GRIP2: variants seen among roughly 807,000 people sequenced by gnomAD.
GRIP2 encodes glutamate receptor-interacting protein 2.
GRIP2 carries 58 observed loss-of-function variants against 108.3 expected under a neutral mutation model. That is an observed-to-expected ratio of 0.54 (90% CI 0.43 to 0.67). The LOEUF (loss-of-function observed/expected upper bound fraction) is 0.67. Ranked by LOEUF, GRIP2 falls within the 30% of genes least tolerant of loss-of-function variation. GRIP2 has a pLI of 0.00. For missense variants in GRIP2, 1,278 were observed against 1,430.6 expected, an observed-to-expected ratio of 0.89 and a Z score of 1.72; for synonymous variants, 586 against 598.2, an observed-to-expected ratio of 0.98 and a Z score of 0.30.
At chr3:14,578,031 A>G in the GRIP2 span, among the ~76,000 whole-genome samples, 1 of 152,242 alleles carries the variant, frequency 6.6e-6, no homozygotes, top group Non-Finnish European at 1.5e-5. Context: ...CCTCCTTTGC[A>G]GGACAGACCT....
the GRIP2 span, among the ~76,000 whole-genome samples, chr3:14,591,357 C>G: frequency 1.8e-4 from 27 of 152,244 alleles, no homozygotes; most frequent in Non-Finnish European, 3.2e-4. Context: ...ACAGGAAGAG[C>G]CTTGGCTTGG....
At chr3:14,537,362 C>A (rs756648662) in intron 1 of GRIP2, among the ~76,000 whole-genome samples, 3 of 152,218 alleles carry the variant, frequency 2.0e-5, no homozygotes, top group Non-Finnish European at 4.4e-5. Flanking sequence ...ACCTCCTCTC[C>A]ACTCCCTCCC....
Position 14,507,590 on chromosome 3 carries a change from A to G in GRIP2, c.2189T>C (p.Val730Ala). 1.2e-6 allele frequency: 2 copies of G among 1,613,956 alleles called. No individual in the cohort carries two copies. The highest frequency in any genetic ancestry group is 1.7e-6 in the Non-Finnish European group (2 of 1,179,828). ...TAGTTGCTTCTTGATCTTCAGTGTG[A>G]CGGTCTCTCCAGCCACCTGCAGGAG... is the stretch of plus-strand genomic sequence containing the variant. ...IHLLQVAGETVTLKIKKQLDR... is the reference protein window; with the variant it reads ...IHLLQVAGETATLKIKKQLDR... Residue 730 changes from valine (V) to alanine (A), a missense_variant, in exon 18 of 24, where the codon GTC (valine) becomes GCC (alanine). By Grantham distance (64) the Val-to-Ala change is moderately conservative. Transcript: ENST00000621039. The surrounding 1 kb of genome is among the most constrained non-coding windows in gnomAD (Gnocchi z 4.6).
At chr3:14,569,301 G>C in the GRIP2 span, among the ~76,000 whole-genome samples, 1 of 152,200 alleles carries the variant, frequency 6.6e-6, no homozygotes, top group South Asian at 2.1e-4. Flanking sequence ...TCTTAGAATC[G>C]GGCTGTGTCA....
chr3:14,538,183 C>G (rs111479568), intron 1 of GRIP2, among the ~76,000 whole-genome samples: 7 of 152,318 alleles, frequency 4.6e-5, no homozygotes, highest in African/African-American at 1.7e-4. Flanking sequence ...CTGACGCACA[C>G]TGCCAGTGGG....
In GRIP2 at chr3:14,512,715, G is replaced by T; in HGVS notation, c.1720+62C>A. On this transcript the variant is annotated intron_variant, in intron 14 of 23. Coordinates refer to ENST00000621039, the MANE Select transcript of GRIP2 (RefSeq NM_001080423.4). This position sits in a 1 kb window ranked among gnomAD's most constrained non-coding sequence, Gnocchi z 5.1. ...GGAAATGCTGGTCTGAGCTTGGCAAGCTCTTTTTCCCCAGCAGTTGAGCTC... is the reference window on the plus strand; with the variant it reads ...GGAAATGCTGGTCTGAGCTTGGCAATCTCTTTTTCCCCAGCAGTTGAGCTC... 4 of 1,491,848 alleles carry T rather than the reference G, an allele frequency of 2.7e-6. No individual in the cohort carries two copies. The highest frequency in any genetic ancestry group is 3.7e-6 in the Non-Finnish European group (4 of 1,075,492). 92.4% of individuals were successfully genotyped at this position (1,491,848 alleles called of 1,614,324 possible).
chr3:14,552,975 G>A (rs1695175999), intron 1 of GRIP2, among the ~76,000 whole-genome samples: 1 of 152,038 alleles, frequency 6.6e-6, no homozygotes, highest in Non-Finnish European at 1.5e-5. Flanking sequence ...CTGCCCCCAA[G>A]ACAGGGTCCA....
upstream of GRIP2, among the ~76,000 whole-genome samples, chr3:14,545,857 C>T (rs1435411882): frequency 6.6e-6 from 1 of 152,220 alleles, no homozygotes; most frequent in Admixed American, 6.5e-5. Flanking sequence ...TTCCAGAGGT[C>T]AGCTGGGCCA....
chr3:14,602,684 G>A, the GRIP2 span, among the ~76,000 whole-genome samples: 1 of 151,910 alleles, frequency 6.6e-6, no homozygotes, highest in African/African-American at 2.4e-5. The surrounding 1 kb of genome is among the most constrained non-coding windows in gnomAD (Gnocchi z 4.7). Context: ...GCGCCCCGTG[G>A]GCCCCACTGC....
At chr3:14,517,026 C>T (rs2124906029) in intron 11 of GRIP2, 38 bp downstream of exon 11, 2 of 1,457,154 alleles carry the variant, frequency 1.4e-6, no homozygotes, top group South Asian at 1.5e-5. Flanking sequence ...CTCAGACATA[C>T]AAGCAGCCCA....
chr3:14,564,920 AAC>A, the GRIP2 span, among the ~76,000 whole-genome samples: 1 of 152,148 alleles, frequency 6.6e-6, no homozygotes, highest in Non-Finnish European at 1.5e-5. Context: ...TGCTATTCTA[AAC>A]ACAGACGCGC....
At chr3:14,523,321 T>C (rs1441750755) in intron 5 of GRIP2, 2 of 574,930 alleles carry the variant, frequency 3.5e-6, no homozygotes, top group Non-Finnish European at 6.2e-6. Context: ...TGACCTCACC[T>C]TATTTCCCCT....
At chr3:14,520,369 A>C in intron 8 of GRIP2, 21 bp downstream of exon 8, 1 of 1,610,682 alleles carries the variant, frequency 6.2e-7, no homozygotes, top group Non-Finnish European at 8.5e-7. Flanking sequence ...CCATGGTGGC[A>C]GCACCCAGGG....
At chr3:14,590,706 G>A in the GRIP2 span, among the ~76,000 whole-genome samples, 1 of 152,210 alleles carries the variant, frequency 6.6e-6, no homozygotes, top group Non-Finnish European at 1.5e-5. Flanking sequence ...TAACGAGGAT[G>A]AAGCTCAAAT....
rs1163942654 is a variant in GRIP2, at chr3:14,490,608, A to C, written c.*3057T>G. ...GCCTGCCTCTGGCTTTCTGCTGCGC[A>C]GAGAATCAAATTTGCTCCCCCTACC... On this transcript the variant is annotated 3_prime_UTR_variant, in exon 24 of 24. Coordinates refer to ENST00000621039, the MANE Select transcript of GRIP2 (RefSeq NM_001080423.4). 1 of 152,324 alleles carries C rather than the reference A, an allele frequency of 6.6e-6. No homozygotes were observed. Among genetic ancestry groups the C allele is most frequent in the Non-Finnish European group, 1.5e-5 (1 of 68,090 alleles). 9.4% of individuals were successfully genotyped at this position (152,324 alleles called of 1,614,324 possible). A position where few individuals can be genotyped will look rare whatever the true frequency, so the allele number is the denominator to read the frequency against.
At chr3:14,600,021 C>T in the GRIP2 span, among the ~76,000 whole-genome samples, 1 of 152,226 alleles carries the variant, frequency 6.6e-6, no homozygotes. Context: ...GACACATGTG[C>T]TATGTAAGTC....
At chr3:14,564,648 C>T in the GRIP2 span, among the ~76,000 whole-genome samples, 1 of 152,196 alleles carries the variant, frequency 6.6e-6, no homozygotes, top group Non-Finnish European at 1.5e-5. Flanking sequence ...ATGTACCAGG[C>T]ATTTCTCTTG....
chr3:14,574,147 T>G, the GRIP2 span: 1 of 929,334 alleles, frequency 1.1e-6, no homozygotes, highest in East Asian at 2.4e-5. Flanking sequence ...ATGCCATAGA[T>G]GCACACGGCT....
the GRIP2 span, chr3:14,601,898 T>C: frequency 2.0e-5 from 3 of 152,256 alleles, no homozygotes; most frequent in African/African-American, 7.2e-5. Flanking sequence ...GTCACATAGA[T>C]TTAGGTTCCC....
Sources: gnomAD v4.1 joint callset for allele counts (sites outside exome capture counted in the v4.1 genomes callset) on GRCh38, gnomAD v4.1.1 for gene constraint, Gnocchi (gnomAD v3.1) non-coding constraint, MANE v1.5 for transcripts, NCBI Gene and HGNC (gene_info 2026-07-23, HGNC 2026-07-21) for gene names.